PTPN2: variants seen among roughly 807,000 people sequenced by gnomAD.
PTPN2 encodes the protein protein tyrosine phosphatase non-receptor type 2, also known as tyrosine-protein phosphatase non-receptor type 2.
Under a neutral mutation model 57.3 loss-of-function variants are expected in PTPN2, and 19 were observed. The observed-to-expected ratio is 0.33, with a 90% CI of 0.23 to 0.49. The LOEUF is 0.49. Ranked by LOEUF, PTPN2 falls within the 20% of genes least tolerant of loss-of-function variation. The probability of loss-of-function intolerance (pLI) is 0.99; values close to 1 mark genes in which losing one functional copy is unlikely to be tolerated. For missense variants in PTPN2, 358 were observed against 501.1 expected, an observed-to-expected ratio of 0.71 and a Z score of 2.73; for synonymous variants, 153 against 164.9, an observed-to-expected ratio of 0.93 and a Z score of 0.55.
intron 4 of PTPN2, among the ~76,000 whole-genome samples, chr18:12,826,788 T>C (rs1366158359): frequency 6.6e-6 from 1 of 151,962 alleles, no homozygotes; most frequent in African/African-American, 2.4e-5. Flanking sequence ...AGGCTGGTCT[T>C]GAACTCCTGA....
At position 12,878,742 on chromosome 18, in the gene PTPN2, G is replaced by A. The variant is rs774942388; in HGVS notation, c.69+5331C>T. 2.0e-4 allele frequency among the ~76,000 whole-genome samples: 31 copies of A among 152,180 alleles called. 1 individual carries two copies. ...CCCTAATTAATCAACCAATTTCCAA[G>A]AGGCTGAGGTGAGAGGCTCACCTGA... On this transcript the variant is annotated intron_variant, in intron 1 of 8. Coordinates refer to ENST00000309660, the MANE Select transcript of PTPN2 (RefSeq NM_002828.4).
intron 8 of PTPN2, among the ~76,000 whole-genome samples, chr18:12,798,585 A>C (rs1274408216): frequency 6.6e-6 from 1 of 152,158 alleles, no homozygotes; most frequent in African/African-American, 2.4e-5. Context: ...AAAGGACATG[A>C]TCTCATTCTT....
chr18:12,865,206 G>C (rs1005060253), intron 1 of PTPN2, among the ~76,000 whole-genome samples: 3 of 152,104 alleles, frequency 2.0e-5, no homozygotes, highest in Non-Finnish European at 4.4e-5. Context: ...CAATACTTTG[G>C]GAGGCTGAGG....
intron 2 of PTPN2, among the ~76,000 whole-genome samples, chr18:12,848,621 A>G (rs1310944158): frequency 6.6e-6 from 1 of 152,232 alleles, no homozygotes; most frequent in African/African-American, 2.4e-5. Flanking sequence ...GTGACAGCCC[A>G]GTTGAGGTCA....
intron 7 of PTPN2, among the ~76,000 whole-genome samples, chr18:12,807,200 C>T (rs1240406622): frequency 1.3e-5 from 2 of 151,978 alleles, no homozygotes; most frequent in East Asian, 1.9e-4. Context: ...TATCACTAAT[C>T]ATCAGAATAA....
intron 2 of PTPN2, among the ~76,000 whole-genome samples, chr18:12,846,239 G>A (rs2043201710): frequency 6.6e-6 from 1 of 152,114 alleles, no homozygotes; most frequent in Non-Finnish European, 1.5e-5. Flanking sequence ...CAGTGTAGAG[G>A]TACTATTCCT....
chr18:12,850,728 G>A (rs1361670130), intron 2 of PTPN2, among the ~76,000 whole-genome samples: 2 of 151,812 alleles, frequency 1.3e-5, no homozygotes, highest in East Asian at 3.9e-4. Flanking sequence ...AAAAAATTAT[G>A]AGCTATAAGA....
At chr18:12,865,795 C>G (rs1231091712) in intron 1 of PTPN2, among the ~76,000 whole-genome samples, 2 of 151,854 alleles carry the variant, frequency 1.3e-5, no homozygotes, top group Non-Finnish European at 2.9e-5. Flanking sequence ...CCACTGCACT[C>G]CAGCCCCACC....
intron 1 of PTPN2, chr18:12,883,649 C>A (rs928258611): frequency 6.4e-6 from 1 of 156,204 alleles, no homozygotes; most frequent in African/African-American, 2.4e-5. Flanking sequence ...AGAGAAAGAG[C>A]TGTCCGCGAG....
At chr18:12,785,723 T>C (rs1319129652) in exon 10 of PTPN2, 1 of 1,066,846 alleles carries the variant, frequency 9.4e-7, no homozygotes. Flanking sequence ...TCTAGAGGGT[T>C]AGCGAGCCTC....
At chr18:12,829,545 A>G (rs917763897) in intron 4 of PTPN2, among the ~76,000 whole-genome samples, 2 of 151,942 alleles carry the variant, frequency 1.3e-5, no homozygotes, top group African/African-American at 4.8e-5. Context: ...ACCCAACCTA[A>G]AGACATTGCT....
At position 12,884,214 on chromosome 18, in the gene PTPN2, G is replaced by C; in HGVS notation, c.-73C>G. The C allele has an allele frequency of 2.4e-6, 3 of 1,233,436 alleles. No individual in the cohort carries two copies. The highest frequency in any genetic ancestry group is 3.3e-6 in the Non-Finnish European group (3 of 922,296). 76.4% of individuals were successfully genotyped at this position (1,233,436 alleles called of 1,614,324 possible). Reference sequence around the variant, plus strand: ...GCTCAGGCCCCGCACGATCCGGGGAGAGCGCTGGCGCTGCGGCGCATGCGC... The same window carrying C: ...GCTCAGGCCCCGCACGATCCGGGGACAGCGCTGGCGCTGCGGCGCATGCGC... On this transcript the variant is annotated 5_prime_UTR_variant, in exon 1 of 9. Coordinates refer to ENST00000309660, the MANE Select transcript of PTPN2 (RefSeq NM_002828.4).
At chr18:12,878,091 C>G (rs564586168) in intron 1 of PTPN2, among the ~76,000 whole-genome samples, 7 of 151,996 alleles carry the variant, frequency 4.6e-5, no homozygotes, top group Non-Finnish European at 1.0e-4. Flanking sequence ...AATCCTAAGC[C>G]TTTGGAAGGC....
intron 8 of PTPN2, among the ~76,000 whole-genome samples, chr18:12,801,271 G>C (rs954264946): frequency 2.0e-5 from 3 of 152,198 alleles, no homozygotes; most frequent in African/African-American, 7.2e-5. Context: ...CCAGCACTTT[G>C]GGAGGCTGAG....
chr18:12,866,135 A>G (rs1314395286), intron 1 of PTPN2, among the ~76,000 whole-genome samples: 2 of 151,750 alleles, frequency 1.3e-5, no homozygotes, highest in East Asian at 3.8e-4. Flanking sequence ...ACTTTAAAAC[A>G]TTATGCTAAG....
At chr18:12,807,350 C>T (rs1363808807) in intron 7 of PTPN2, among the ~76,000 whole-genome samples, 3 of 151,426 alleles carry the variant, frequency 2.0e-5, no homozygotes, top group Admixed American at 6.6e-5. Flanking sequence ...ATTAGTACAG[C>T]CATCTTGGAA....
At chr18:12,785,962 A>G in intron 9 of PTPN2, 1 of 848,288 alleles carries the variant, frequency 1.2e-6, no homozygotes, top group Non-Finnish European at 1.9e-6. Context: ...ACCAAAAATC[A>G]TTCCCACATG....
intron 2 of PTPN2, chr18:12,839,513 G>A (rs1213271547): frequency 1.3e-5 from 2 of 152,118 alleles, no homozygotes; most frequent in Non-Finnish European, 2.9e-5. Context: ...ATCCTTGTAA[G>A]TCTGGTTATC....
intron 2 of PTPN2, among the ~76,000 whole-genome samples, chr18:12,841,733 A>G (rs16939913): frequency 0.047 from 7,144 of 152,268 alleles, 558 homozygotes; most frequent in African/African-American, 0.16. Context: ...CCTAATTGAA[A>G]AAGTCCTCTT....
Sources: gnomAD v4.1 joint callset for allele counts (sites outside exome capture counted in the v4.1 genomes callset) on GRCh38, gnomAD v4.1.1 for gene constraint, MANE v1.5 for transcripts, NCBI Gene and HGNC (gene_info 2026-07-23, HGNC 2026-07-21) for gene names.